The following TFDP1 variants were observed in gnomAD, a reference collection of about 807,000 sequenced individuals.
The protein encoded by TFDP1 is DRTF1-polypeptide 1.
TFDP1 carries 6 observed loss-of-function variants against 48.0 expected under a neutral mutation model. That is an observed-to-expected ratio of 0.13 (90% CI 0.07 to 0.25). TFDP1 has a LOEUF of 0.25. Among genes scored for constraint, TFDP1 ranks in the 10% least tolerant of loss-of-function variants. The pLI is 1.00. For synonymous variants in TFDP1, 201 were observed against 211.6 expected, an observed-to-expected ratio of 0.95 and a Z score of 0.44; for missense variants, 335 against 543.0, an observed-to-expected ratio of 0.62 and a Z score of 3.81.
At chr13:113,612,838 G>C (rs1183888696) in intron 3 of TFDP1, among the ~76,000 whole-genome samples, 1 of 152,212 alleles carries the variant, frequency 6.6e-6, no homozygotes, top group African/African-American at 2.4e-5. Context: ...AAATGTTCTG[G>C]TTTTGAGCCG....
At position 113,634,044 on chromosome 13, in the gene TFDP1, A is replaced by T. The variant is rs2049406873; in HGVS notation, c.618+11A>T. 6.2e-7 allele frequency: 1 copy of T among 1,614,024 alleles called. No homozygotes were observed. On this transcript the variant is annotated intron_variant, in intron 7 of 11. Coordinates refer to ENST00000375370, the MANE Select transcript of TFDP1 (RefSeq NM_007111.5). The stretch of plus-strand genomic sequence containing the variant: ...TGTCAGAACTTAGAGGTGCCCCTTC[A>T]GCCTTCCTTCAACCTTGATTTCCCT...
At chr13:113,597,576 C>T (rs547622204) in intron 2 of TFDP1, among the ~76,000 whole-genome samples, 54 of 152,334 alleles carry the variant, frequency 3.5e-4, no homozygotes, top group Admixed American at 3.0e-3. Context: ...CCCACGTGGG[C>T]GGCCAGCTGC....
intron 3 of TFDP1, among the ~76,000 whole-genome samples, chr13:113,621,878 G>A (rs940645645): frequency 9.9e-5 from 15 of 152,164 alleles, no homozygotes; most frequent in South Asian, 2.1e-4. Flanking sequence ...AGGCCTAACC[G>A]TCTCCCTGTG....
At chr13:113,622,922 C>T (rs571579878) in intron 3 of TFDP1, among the ~76,000 whole-genome samples, 10 of 152,400 alleles carry the variant, frequency 6.6e-5, no homozygotes, top group East Asian at 3.9e-4. Context: ...CAGACATCGC[C>T]GAGGGGCTGG....
intron 8 of TFDP1, among the ~76,000 whole-genome samples, chr13:113,635,411 C>T (rs533152734): frequency 1.7e-4 from 26 of 152,240 alleles, no homozygotes; most frequent in African/African-American, 5.8e-4. Flanking sequence ...CCAGGGTGGC[C>T]GGGAGAGGAA....
rs569859908 is a variant in TFDP1 at position 113,634,493 on chromosome 13, C to T, written c.619-41C>T. 1.9e-6 allele frequency: 3 copies of T among 1,567,488 alleles called. No individual in the cohort carries two copies. In the African/African-American group the frequency reaches 4.1e-5, roughly 21 times the overall value. Reference sequence around the variant, plus strand: ...GGGTTTTAAAAAACGCTCTGTGGAACAGTTGTGATGATTCTTCACATGGGT... The same window carrying T: ...GGGTTTTAAAAAACGCTCTGTGGAATAGTTGTGATGATTCTTCACATGGGT... On this transcript the variant is annotated intron_variant, in intron 7 of 11. Transcript: ENST00000375370.
intron 2 of TFDP1, among the ~76,000 whole-genome samples, chr13:113,599,759 TGAGA>T (rs1299841968): frequency 1.3e-5 from 2 of 152,134 alleles, no homozygotes; most frequent in Admixed American, 6.5e-5. Flanking sequence ...TCCAGGACCG[TGAGA>T]GAGAATCCTT....
chr13:113,610,901 T>G, intron 2 of TFDP1, 95 bp from the exon 3 acceptor site: 1 of 1,159,892 alleles, frequency 8.6e-7, no homozygotes, highest in African/African-American at 1.5e-5. Flanking sequence ...TTTTATGACG[T>G]TATTTGATAG....
Position 113,640,386 on chromosome 13 carries a change from G to T in TFDP1, c.*119G>T. ...CCCAAGAAGATATTGGTAAGCTATT[G>T]AATTTAGATATGCACCTCTGATAAG... is the stretch of plus-strand genomic sequence containing the variant. On this transcript the variant is annotated 3_prime_UTR_variant, in exon 12 of 12. Coordinates refer to ENST00000375370, the MANE Select transcript of TFDP1 (RefSeq NM_007111.5). 6.8e-7 allele frequency: 1 copy of T among 1,470,788 alleles called. No individual in the cohort carries two copies. Among genetic ancestry groups the T allele is most frequent in the Non-Finnish European group, 9.0e-7 (1 of 1,108,792 alleles). The allele number at this position is 1,470,788 out of a possible 1,614,324, so 91.1% of individuals were successfully genotyped here.
chr13:113,614,775 G>A (rs180909891), intron 3 of TFDP1, among the ~76,000 whole-genome samples: 23 of 152,340 alleles, frequency 1.5e-4, no homozygotes, highest in Admixed American at 1.4e-3. Context: ...ACCTGGGTGG[G>A]GACTCACTAC....
intron 4 of TFDP1, among the ~76,000 whole-genome samples, chr13:113,629,431 C>T (rs1281243051): frequency 1.3e-5 from 2 of 152,246 alleles, no homozygotes; most frequent in Non-Finnish European, 2.9e-5. Flanking sequence ...TCCCAACTTA[C>T]AGTGGGTTTG....
chr13:113,590,892 C>A (rs1296007094), intron 2 of TFDP1, among the ~76,000 whole-genome samples: 3 of 151,244 alleles, frequency 2.0e-5, no homozygotes, highest in Non-Finnish European at 2.9e-5. Flanking sequence ...CGCCTGTAGT[C>A]CCAGCTACTG....
At chr13:113,625,899 A>ACGCGTCCT (rs2049157480) in intron 4 of TFDP1, among the ~76,000 whole-genome samples, 3 of 135,320 alleles carry the variant, frequency 2.2e-5, no homozygotes, top group East Asian at 2.3e-4. Flanking sequence ...GGTGTCTCTC[A>ACGCGTCCT]CATGTCCTCA....
At chr13:113,615,728 A>AC (rs1450533767) in intron 3 of TFDP1, among the ~76,000 whole-genome samples, 2 of 152,132 alleles carry the variant, frequency 1.3e-5, no homozygotes, top group East Asian at 1.9e-4. Flanking sequence ...ACAACGGGAG[A>AC]CCCCATCTCT....
intron 8 of TFDP1, among the ~76,000 whole-genome samples, chr13:113,635,464 C>T (rs1235694815): frequency 6.6e-6 from 1 of 152,192 alleles, no homozygotes; most frequent in African/African-American, 2.4e-5. Flanking sequence ...AAGGTCTCTC[C>T]AAGTGGAACA....
intron 2 of TFDP1, among the ~76,000 whole-genome samples, chr13:113,595,954 C>A (rs564554649): frequency 2.0e-5 from 3 of 152,196 alleles, no homozygotes; most frequent in East Asian, 1.9e-4. Context: ...TGGTGGCGGG[C>A]ACCTGTAGTC....
At chr13:113,622,689 C>T (rs2140478601) in intron 3 of TFDP1, among the ~76,000 whole-genome samples, 1 of 152,280 alleles carries the variant, frequency 6.6e-6, no homozygotes, top group South Asian at 2.1e-4. Context: ...TCTGAGGGCA[C>T]CTGCATGTTT....
At chr13:113,634,832 T>TGC (rs2049435792) in intron 8 of TFDP1, among the ~76,000 whole-genome samples, 1 of 151,316 alleles carries the variant, frequency 6.6e-6, no homozygotes. Context: ...CATGCATGTG[T>TGC]GTGTGTGTGC....
At chr13:113,600,710 T>C (rs1440835338) in intron 2 of TFDP1, among the ~76,000 whole-genome samples, 21 of 119,400 alleles carry the variant, frequency 1.8e-4, no homozygotes, top group East Asian at 6.8e-4. Context: ...AATCCTTGCA[T>C]GTAGGGCTCC....
Sources: gnomAD v4.1 joint callset for allele counts (sites outside exome capture counted in the v4.1 genomes callset) on GRCh38, gnomAD v4.1.1 for gene constraint, MANE v1.5 for transcripts, NCBI Gene and HGNC (gene_info 2026-07-23, HGNC 2026-07-21) for gene names.